SHB: variants seen among roughly 807,000 people sequenced by gnomAD.
SHB encodes SH2 domain containing adaptor protein B, also known as SH2 domain-containing adapter protein B.
A neutral mutation model predicts 52.3 loss-of-function variants in SHB; 20 were observed. The ratio of observed to expected loss-of-function variants is 0.38; its 90% CI spans 0.27 to 0.56. SHB has a LOEUF of 0.56. SHB is among the 20% of genes least tolerant of loss of function. The pLI is 0.71. For synonymous variants in SHB, 397 were observed against 316.5 expected (o/e 1.25, Z -2.70); for missense variants, 825 against 723.3 (o/e 1.14, Z -1.61).
chr9:37,977,546 T>C (rs1228275198), intron 2 of SHB, among the ~76,000 whole-genome samples: 1 of 152,216 alleles, frequency 6.6e-6, no homozygotes, highest in Non-Finnish European at 1.5e-5. Flanking sequence ...TTGAGGATGA[T>C]GCTTCCTTTT....
chr9:37,995,210 G>A (rs1038176177), intron 2 of SHB, among the ~76,000 whole-genome samples: 3 of 152,056 alleles, frequency 2.0e-5, no homozygotes, highest in Admixed American at 6.5e-5. Flanking sequence ...TTTCACTCAC[G>A]TCCCCTGACG....
At chr9:38,063,978 CATTT>C (rs1232845228) in intron 1 of SHB, among the ~76,000 whole-genome samples, 3 of 151,902 alleles carry the variant, frequency 2.0e-5, no homozygotes, top group Admixed American at 6.6e-5. Context: ...GTGGAAACAA[CATTT>C]ATTTAATTAT....
chr9:37,959,602 C>A (rs778368859), intron 3 of SHB, among the ~76,000 whole-genome samples: 3 of 152,120 alleles, frequency 2.0e-5, no homozygotes, highest in Non-Finnish European at 4.4e-5. Flanking sequence ...ATCGACATCC[C>A]GACACAGAAG....
In SHB at chr9:37,966,346, A is replaced by T. The variant is rs116517348; in HGVS notation, c.1054+8276T>A. 4.8e-3 allele frequency among the ~76,000 whole-genome samples: 733 copies of T among 152,350 alleles called. 8 individuals are homozygous for T. The highest frequency in any genetic ancestry group is 0.017 in the African/African-American group (708 of 41,580). Reference sequence around the variant, plus strand: ...AGGCACTTGGAGGAATATTTCTATCAATGTAATTAGCAGATGAAACAAAGC... The same window carrying T: ...AGGCACTTGGAGGAATATTTCTATCTATGTAATTAGCAGATGAAACAAAGC... On this transcript the variant is annotated intron_variant, in intron 3 of 5. Coordinates refer to ENST00000377707, the MANE Select transcript of SHB (RefSeq NM_003028.3).
At chr9:37,995,996 T>C (rs1487915837) in intron 2 of SHB, among the ~76,000 whole-genome samples, 1 of 152,238 alleles carries the variant, frequency 6.6e-6, no homozygotes, top group Non-Finnish European at 1.5e-5. Context: ...AACTAATTTC[T>C]CTTACAGGGT....
chr9:37,927,883 C>T (rs1469654285), intron 5 of SHB, among the ~76,000 whole-genome samples: 2 of 152,026 alleles, frequency 1.3e-5, no homozygotes, highest in African/African-American at 4.8e-5. Context: ...GAAATGCTGC[C>T]AAAGCTTCAG....
chr9:38,027,949 C>CT (rs59870126), intron 1 of SHB, among the ~76,000 whole-genome samples: 23,711 of 151,968 alleles, frequency 0.16, 1,891 homozygotes, highest in East Asian at 0.31. Context: ...TGCGTTTACC[C>CT]AGCTGAAGCA....
chr9:37,927,732 G>T (rs535579370), intron 5 of SHB, among the ~76,000 whole-genome samples: 2 of 152,334 alleles, frequency 1.3e-5, no homozygotes, highest in Admixed American at 1.3e-4. Flanking sequence ...CCAGGGGTGT[G>T]TAAGTGGGAA....
At chr9:37,941,478 T>C (rs543135195) in intron 5 of SHB, among the ~76,000 whole-genome samples, 5 of 152,258 alleles carry the variant, frequency 3.3e-5, no homozygotes, top group Non-Finnish European at 7.4e-5. Context: ...CCAGAGCCAT[T>C]GTCTTCACCG....
chr9:37,920,538 G>A (rs1293630766), intron 5 of SHB, among the ~76,000 whole-genome samples: 1 of 152,190 alleles, frequency 6.6e-6, no homozygotes, highest in East Asian at 1.9e-4. Context: ...CACTGGGAAG[G>A]GGCCACCCAG....
At chr9:37,998,239 G>C (rs1018361173) in intron 2 of SHB, among the ~76,000 whole-genome samples, 1 of 152,136 alleles carries the variant, frequency 6.6e-6, no homozygotes, top group Non-Finnish European at 1.5e-5. Context: ...GAAGCACTAG[G>C]GCCAGGGCCC....
intron 1 of SHB, among the ~76,000 whole-genome samples, chr9:38,037,703 T>C (rs1310196324): frequency 6.6e-6 from 1 of 152,154 alleles, no homozygotes; most frequent in Non-Finnish European, 1.5e-5. Context: ...CCACCTCCGC[T>C]AGAAGTGAGC....
Position 38,044,779 on chromosome 9 carries a change from T to A in SHB, c.717+23150A>T, listed in dbSNP as rs545656614. Among the ~76,000 whole-genome samples, 6 of 152,304 alleles carry A rather than the reference T, an allele frequency of 3.9e-5. No individual in the cohort carries two copies. In the South Asian group the frequency reaches 1.2e-3, roughly 32 times the overall value. On this transcript the variant is annotated intron_variant, in intron 1 of 5. Transcript: ENST00000377707. ...CAGCATACTGGCTCTTCAATCAACC[T>A]CTCTGAGATCACTTATCTGACAAGC... is the stretch of plus-strand genomic sequence containing the variant.
chr9:38,006,282 T>C (rs935045033), intron 2 of SHB, among the ~76,000 whole-genome samples: 5 of 152,216 alleles, frequency 3.3e-5, no homozygotes, highest in African/African-American at 9.6e-5. Context: ...TGCCTCTTGC[T>C]AGGCGCTGCA....
chr9:38,068,350 G>T lies in SHB; in HGVS notation c.296C>A (p.Pro99His), dbSNP rs767076220. 3.3e-5 allele frequency: 52 copies of T among 1,562,548 alleles called. No homozygotes were observed. Among genetic ancestry groups the T allele is most frequent in the Non-Finnish European group, 4.1e-5 (47 of 1,158,946 alleles). The part of the protein sequence containing the change: ...ERDFEDPYNG[P>H]GSSLRKLRAM... Reference sequence around the variant, plus strand: ...GCGCAGTTTGCGCAGCGACGAGCCAGGCCCGTTGTAGGGGTCCTCGAAGTC... The same window carrying T: ...GCGCAGTTTGCGCAGCGACGAGCCATGCCCGTTGTAGGGGTCCTCGAAGTC... The change falls in exon 1 of 6, where the codon CCT (proline) becomes CAT (histidine). Residue 99 changes from proline (P) to histidine (H), a missense_variant. Transcript: ENST00000377707.
chr9:38,014,618 T>TA (rs771937840), intron 2 of SHB, among the ~76,000 whole-genome samples: 1 of 152,216 alleles, frequency 6.6e-6, no homozygotes, highest in Non-Finnish European at 1.5e-5. Flanking sequence ...ATTAGAAAGA[T>TA]GGGAGTGGGC....
chr9:38,043,257 T>TG (rs1821604346), intron 1 of SHB, among the ~76,000 whole-genome samples: 1 of 152,186 alleles, frequency 6.6e-6, no homozygotes, highest in Admixed American at 6.5e-5. Flanking sequence ...TATGCCACAG[T>TG]GCCCTGTCCT....
rs1187366340 is a variant in SHB at position 37,918,497 on chromosome 9, G to C, written c.*1324C>G. Among the ~76,000 whole-genome samples the C allele has an allele frequency of 7.9e-6, 1 of 127,370 alleles. No homozygotes were observed. The allele number at this position is 127,370 out of a possible 152,430, so 83.6% of individuals were successfully genotyped here. On this transcript the variant is annotated 3_prime_UTR_variant, in exon 6 of 6. Coordinates refer to ENST00000377707, the MANE Select transcript of SHB (RefSeq NM_003028.3). ...GTGGACCACTGAGGGCTGTGTGTGTGTGTGTGTGTGTGTGTGTAGGTGTTC... is the reference window on the plus strand; with the variant it reads ...GTGGACCACTGAGGGCTGTGTGTGTCTGTGTGTGTGTGTGTGTAGGTGTTC...
At position 37,952,564 on chromosome 9, in the gene SHB, T is replaced by C. The variant is rs191656879; in HGVS notation, c.1226+3319A>G. Among the ~76,000 whole-genome samples, 59 of 152,288 alleles carry C rather than the reference T, an allele frequency of 3.9e-4. No homozygotes were observed. In the East Asian group the frequency reaches 0.011, roughly 27 times the overall value. ...GAAATCTTACAGACAGTCAGTCAGG[T>C]TGGCGTGAGGAGGGGCCAGAGGAGA... is the stretch of plus-strand genomic sequence containing the variant. On this transcript the variant is annotated intron_variant, in intron 4 of 5. Coordinates refer to ENST00000377707, the MANE Select transcript of SHB (RefSeq NM_003028.3).
Sources: allele counts gnomAD v4.1 joint callset (sites outside exome capture counted in the v4.1 genomes callset), GRCh38; gene constraint gnomAD v4.1.1; transcripts MANE v1.5; gene names NCBI Gene and HGNC (gene_info 2026-07-23, HGNC 2026-07-21).